NOL9: variants seen among roughly 807,000 people sequenced by gnomAD.
NOL9 encodes the protein polynucleotide 5'-hydroxyl-kinase NOL9.
A neutral mutation model predicts 67.9 loss-of-function variants in NOL9; 28 were observed. The observed-to-expected ratio is 0.41, with a 90% confidence interval of 0.31 to 0.57. The LOEUF (loss-of-function observed/expected upper bound fraction) is 0.57, where lower values mean the gene tolerates loss of function less well. NOL9 is among the 20% of genes least tolerant of loss of function. The probability of loss-of-function intolerance (pLI) is 0.25; values close to 1 mark genes in which losing one functional copy is unlikely to be tolerated. For synonymous variants in NOL9, 356 were observed against 352.2 expected (o/e 1.01, Z -0.12); for missense variants, 777 against 897.0 (o/e 0.87, Z 1.71).
rs1638869313 is a variant in NOL9 at position 6,525,763 on chromosome 1, T to C, written c.*91A>G. 1 of 1,345,312 alleles carries C rather than the reference T, an allele frequency of 7.4e-7. No individual in the cohort carries two copies. Among genetic ancestry groups the C allele is most frequent in the African/African-American group, 1.5e-5 (1 of 68,672 alleles). The allele number at this position is 1,345,312 out of a possible 1,614,324, so 83.3% of individuals were successfully genotyped here. On this transcript the variant is annotated 3_prime_UTR_variant, in exon 12 of 12. Transcript: ENST00000377705. ...CTGTTGCTAATAAGGGCACCATTCA[T>C]GGCCATGAAACTCCATCATGTCTCT...
chr1:6,552,299 T>G (rs2148663162), intron 1 of NOL9, among the ~76,000 whole-genome samples: 1 of 152,312 alleles, frequency 6.6e-6, no homozygotes, highest in African/African-American at 2.4e-5. Context: ...GTGCTGGGAT[T>G]ACAGGCGTGA....
At chr1:6,536,714 C>T (rs1050600887) in intron 6 of NOL9, among the ~76,000 whole-genome samples, 2 of 151,868 alleles carry the variant, frequency 1.3e-5, no homozygotes, top group African/African-American at 4.8e-5. Flanking sequence ...CCTGTTTTCC[C>T]AGCTACCTGC....
At chr1:6,547,070 A>G (rs1639435554) in intron 3 of NOL9, among the ~76,000 whole-genome samples, 1 of 152,178 alleles carries the variant, frequency 6.6e-6, no homozygotes. Context: ...ACCGATGACT[A>G]TCTGCTGCTC....
rs1275343270 is a variant in NOL9 at position 6,549,694 on chromosome 1, G to A, written c.621C>T (p.Asp207=). 4 of 1,613,802 alleles carry A rather than the reference G, an allele frequency of 2.5e-6. No individual in the cohort carries two copies. Among genetic ancestry groups the A allele is most frequent in the Non-Finnish European group, 3.4e-6 (4 of 1,179,954 alleles). ...NLLKSHLNLD[D]RRWSMQNFSP... ...AAAAATTCTGCATCGACCAACGCCTGTCATCTGTAAAGAGAAAAATAAACC... is the reference window on the plus strand; with the variant it reads ...AAAAATTCTGCATCGACCAACGCCTATCATCTGTAAAGAGAAAAATAAACC... Residue 207 remains aspartate (D), a synonymous_variant, in exon 3 of 12, where the codon GAC becomes GAT. Transcript: ENST00000377705.
At chr1:6,534,856 T>C (rs1175793739) in intron 6 of NOL9, among the ~76,000 whole-genome samples, 2 of 152,092 alleles carry the variant, frequency 1.3e-5, no homozygotes, top group Non-Finnish European at 2.9e-5. Context: ...CAGGCTGGAG[T>C]GCAGTGGCGC....
intron 6 of NOL9, among the ~76,000 whole-genome samples, chr1:6,533,703 A>C (rs1251092628): frequency 6.6e-6 from 1 of 152,204 alleles, no homozygotes; most frequent in African/African-American, 2.4e-5. Flanking sequence ...CGAACACACA[A>C]ATCTGCTAAC....
At chr1:6,549,252 G>A (rs986289319) in intron 3 of NOL9, 15 of 227,348 alleles carry the variant, frequency 6.6e-5, no homozygotes, top group African/African-American at 1.1e-4. Context: ...GTGAGACTCC[G>A]TCTCAAAAAA....
intron 6 of NOL9, among the ~76,000 whole-genome samples, chr1:6,537,575 T>C (rs1363280294): frequency 6.6e-6 from 1 of 152,172 alleles, no homozygotes; most frequent in East Asian, 1.9e-4. Context: ...TTGTACTGAC[T>C]TCAAAACTTA....
Position 6,531,091 on chromosome 1 carries a change from T to C in NOL9, c.1647+877A>G, listed in dbSNP as rs751455555. ...TGCTACCTGCCGCTAGTTTTGTTTTTTCATCATCCCGAATCCTAACACTAT... is the reference window on the plus strand; with the variant it reads ...TGCTACCTGCCGCTAGTTTTGTTTTCTCATCATCCCGAATCCTAACACTAT... On this transcript the variant is annotated intron_variant, in intron 9 of 11. Transcript: ENST00000377705. Among the ~76,000 whole-genome samples the C allele has an allele frequency of 9.6e-4, 146 of 152,252 alleles. 2 individuals carry two copies. Among genetic ancestry groups the C allele is most frequent in the Non-Finnish European group, 3.4e-4 (23 of 68,048 alleles).
chr1:6,553,228 T>G (rs1159020404), intron 1 of NOL9, among the ~76,000 whole-genome samples: 2 of 152,212 alleles, frequency 1.3e-5, no homozygotes, highest in Non-Finnish European at 2.9e-5. Flanking sequence ...TCTGTCCTTT[T>G]AAAGACCCAC....
intron 3 of NOL9, among the ~76,000 whole-genome samples, chr1:6,547,518 GAA>G (rs58167405): frequency 3.6e-3 from 490 of 134,266 alleles, no homozygotes; most frequent in Admixed American, 5.9e-3. Context: ...TAAGGAAATG[GAA>G]AAAAAAAAAA....
At chr1:6,527,270 T>A (rs1215768340) in intron 10 of NOL9, among the ~76,000 whole-genome samples, 1 of 138,468 alleles carries the variant, frequency 7.2e-6, no homozygotes, top group Non-Finnish European at 1.5e-5. Flanking sequence ...ATACAAAGAG[T>A]CAAGAGATGG....
intron 9 of NOL9, among the ~76,000 whole-genome samples, chr1:6,529,726 G>C (rs1010853255): frequency 6.6e-6 from 1 of 152,134 alleles, no homozygotes; most frequent in African/African-American, 2.4e-5. Context: ...AGGAATTTGA[G>C]ACCAGCCTGG....
At chr1:6,547,258 T>C (rs1008559379) in intron 3 of NOL9, among the ~76,000 whole-genome samples, 14 of 152,158 alleles carry the variant, frequency 9.2e-5, no homozygotes, top group Admixed American at 1.3e-4. Context: ...CAGGCCCACA[T>C]ATTCAACTGC....
At chr1:6,544,768 T>C in intron 5 of NOL9, 58 bp downstream of exon 5, 1 of 1,566,648 alleles carries the variant, frequency 6.4e-7, no homozygotes, top group Non-Finnish European at 8.8e-7. Context: ...AAATCAAAAA[T>C]CCCACTTCAT....
intron 6 of NOL9, among the ~76,000 whole-genome samples, chr1:6,538,838 C>A (rs749536199): frequency 5.1e-4 from 77 of 151,574 alleles, no homozygotes; most frequent in Non-Finnish European, 9.4e-4. Flanking sequence ...CAAAAATTAG[C>A]CAGGCGTGGT....
Position 6,541,010 on chromosome 1 carries a change from C to CTTTTTTTTT in NOL9, c.1075+819_1075+820insAAAAAAAAA, listed in dbSNP as rs1287698159. 5.7e-5 allele frequency: 7 copies of CTTTTTTTTT among 123,092 alleles called. 3 individuals are homozygous for CTTTTTTTTT. The highest frequency in any genetic ancestry group is 1.2e-4 in the African/African-American group (4 of 32,590). The allele number at this position is 123,092 out of a possible 1,614,324, so 7.6% of individuals were successfully genotyped here. A position where few individuals can be genotyped will look rare whatever the true frequency, so the allele number is the denominator to read the frequency against. On this transcript the variant is annotated intron_variant, in intron 6 of 11. Coordinates refer to ENST00000377705, the MANE Select transcript of NOL9 (RefSeq NM_024654.5). The stretch of plus-strand genomic sequence containing the variant: ...ATAAAATCTGTAGACTGGTTAACAG[C>CTTTTTTTTT]GTTTTTTTTTTTTTTTTTTTTTTTG...
chr1:6,534,921 A>T (rs1468687619), intron 6 of NOL9, among the ~76,000 whole-genome samples: 2 of 152,152 alleles, frequency 1.3e-5, no homozygotes, highest in Non-Finnish European at 1.5e-5. Flanking sequence ...CTCCTGCCTC[A>T]GCCTCCCAAG....
rs191271121 is a variant in NOL9, at chr1:6,522,186, A to G, written c.*3668T>C. The G allele has an allele frequency of 6.6e-6, 1 of 152,288 alleles. No individual in the cohort carries two copies. Among genetic ancestry groups the G allele is most frequent in the African/African-American group, 2.4e-5 (1 of 41,550 alleles). 9.4% of individuals were successfully genotyped at this position (152,288 alleles called of 1,614,324 possible). ...TAGTAAAACCCCATCTCTACTAAAA[A>G]TACAAAAAAAATTAGCTAGTGTAGT... is the stretch of plus-strand genomic sequence containing the variant. On this transcript the variant is annotated 3_prime_UTR_variant, in exon 12 of 12. Coordinates refer to ENST00000377705, the MANE Select transcript of NOL9 (RefSeq NM_024654.5).
Sources: gnomAD v4.1 joint callset for allele counts (sites outside exome capture counted in the v4.1 genomes callset) on GRCh38, gnomAD v4.1.1 for gene constraint, MANE v1.5 for transcripts, NCBI Gene and HGNC (gene_info 2026-07-23, HGNC 2026-07-21) for gene names.